Variants in TPRG1 observed in about 807,000 individuals in gnomAD.
The protein encoded by TPRG1 is tumor protein p63 regulated 1, also known as tumor protein p63-regulated gene 1 protein.
A neutral mutation model predicts 29.3 loss-of-function variants in TPRG1; 29 were observed. The ratio of observed to expected loss-of-function variants is 0.99; its 90% CI spans 0.74 to 1.35. The LOEUF (loss-of-function observed/expected upper bound fraction) is 1.35. TPRG1 is among the 40% of genes most tolerant of loss of function. TPRG1 has a pLI of 0.00. For missense variants in TPRG1, 327 were observed against 335.0 expected, an observed-to-expected ratio of 0.98 and a Z score of 0.19; for synonymous variants, 130 against 116.8, an observed-to-expected ratio of 1.11 and a Z score of -0.73.
intron 1 of TPRG1, among the ~76,000 whole-genome samples, chr3:189,195,100 A>T (rs1302940022): frequency 1.3e-5 from 2 of 151,984 alleles, no homozygotes; most frequent in East Asian, 3.9e-4. Context: ...CTGATTCCCT[A>T]GGGGGTGATA....
At chr3:189,080,431 G>T (rs1003118324) in intron 4 of TPRG1, among the ~76,000 whole-genome samples, 1 of 152,120 alleles carries the variant, frequency 6.6e-6, no homozygotes, top group Non-Finnish European at 1.5e-5. Context: ...CACAGAAATA[G>T]GAAAAGTAAA....
At chr3:189,088,979 T>C (rs982799793) in intron 4 of TPRG1, among the ~76,000 whole-genome samples, 2 of 136,828 alleles carry the variant, frequency 1.5e-5, no homozygotes, top group African/African-American at 7.3e-5. Context: ...TATCTATCTA[T>C]CTATCTATCT....
intron 3 of TPRG1, among the ~76,000 whole-genome samples, chr3:189,011,049 G>C (rs1349244676): frequency 6.6e-6 from 1 of 152,122 alleles, no homozygotes; most frequent in Non-Finnish European, 1.5e-5. Flanking sequence ...GTTTCTGTCA[G>C]CTTTGTTGAA....
intron 1 of TPRG1, among the ~76,000 whole-genome samples, chr3:189,113,337 C>G (rs1720774242): frequency 6.6e-6 from 1 of 152,202 alleles, no homozygotes; most frequent in Non-Finnish European, 1.5e-5. Flanking sequence ...GATAATTTGA[C>G]TTCCTCTTTT....
intron 5 of TPRG1, among the ~76,000 whole-genome samples, chr3:189,155,917 T>C (rs1726607898): frequency 6.6e-6 from 1 of 152,204 alleles, no homozygotes; most frequent in Non-Finnish European, 1.5e-5. Flanking sequence ...ATGTACAGCA[T>C]GGTGACTATA....
intron 1 of TPRG1, among the ~76,000 whole-genome samples, chr3:189,189,068 C>G (rs1347255341): frequency 6.6e-6 from 1 of 152,002 alleles, no homozygotes; most frequent in Non-Finnish European, 1.5e-5. Flanking sequence ...AGTATTTTTA[C>G]TGGAACAAAT....
At position 189,032,590 on chromosome 3, in the gene TPRG1, TTTTTC is replaced by T. The variant is rs528229094; in HGVS notation, c.-463+8649_-463+8653del. Among the ~76,000 whole-genome samples, 1,201 of 150,770 alleles carry T rather than the reference TTTTTC, an allele frequency of 8.0e-3. 17 individuals carry two copies. The highest frequency in any genetic ancestry group is 0.028 in the African/African-American group (1,140 of 40,164). On this transcript the variant is annotated intron_variant, in intron 4 of 10. Coordinates refer to the TPRG1 transcript ENST00000433971. ...TTATGTGTTATTAATCTCTCCTTTTTTTTTCTTTTTTTTTATTATTATTATACTTA... is the reference window on the plus strand; with the variant it reads ...TTATGTGTTATTAATCTCTCCTTTTTTTTTTTTTTATTATTATTATACTTA...
intron 2 of TPRG1, among the ~76,000 whole-genome samples, chr3:189,212,641 A>G (rs911691701): frequency 1.3e-5 from 2 of 152,142 alleles, no homozygotes; most frequent in Admixed American, 6.6e-5. Flanking sequence ...TTTCAGGTAA[A>G]GACAAATTTG....
At chr3:189,006,661 A>G (rs1448344299) in intron 3 of TPRG1, among the ~76,000 whole-genome samples, 3 of 152,104 alleles carry the variant, frequency 2.0e-5, no homozygotes, top group Non-Finnish European at 4.4e-5. Context: ...TGGATTGAGA[A>G]ACAACTGTAT....
chr3:189,015,614 C>G (rs919955890), intron 3 of TPRG1, among the ~76,000 whole-genome samples: 1 of 152,196 alleles, frequency 6.6e-6, no homozygotes, highest in Non-Finnish European at 1.5e-5. Flanking sequence ...GTTTCATAAG[C>G]CAGGCCCAGG....
chr3:189,022,829 C>T (rs555673825), intron 3 of TPRG1, among the ~76,000 whole-genome samples: 2 of 152,318 alleles, frequency 1.3e-5, no homozygotes, highest in South Asian at 2.1e-4. Context: ...CCCCCAGCCT[C>T]GCTGCCGCCT....
At chr3:189,183,092 C>T (rs904644261) in intron 1 of TPRG1, among the ~76,000 whole-genome samples, 1 of 152,232 alleles carries the variant, frequency 6.6e-6, no homozygotes, top group Non-Finnish European at 1.5e-5. Context: ...CCAGTAGTCA[C>T]GTAGGTTCTT....
intron 2 of TPRG1, among the ~76,000 whole-genome samples, chr3:189,002,118 T>C (rs1034526841): frequency 2.6e-5 from 4 of 152,180 alleles, no homozygotes; most frequent in African/African-American, 7.2e-5. Context: ...CTTAGCCTAG[T>C]GGGTTCTGGT....
At chr3:189,056,895 C>T (rs1049499850) in intron 4 of TPRG1, among the ~76,000 whole-genome samples, 17 of 152,128 alleles carry the variant, frequency 1.1e-4, no homozygotes, top group Non-Finnish European at 1.3e-4. Context: ...TACTATGTCA[C>T]GATTGAAGAT....
Position 189,214,113 on chromosome 3 carries a change from C to T in TPRG1, c.211-1179C>T, listed in dbSNP as rs564633610. On this transcript the variant is annotated intron_variant, in intron 2 of 5. Transcript: ENST00000345063. ...TTTGATAGGCTTTGCCAATTATTTT[C>T]CATAAGCGAGGCAAATAAGGTTTTA... 1.6e-4 allele frequency among the ~76,000 whole-genome samples: 25 copies of T among 152,250 alleles called. No individual in the cohort carries two copies. The South Asian group carries it at 4.8e-3, about 29-fold the overall frequency.
At chr3:189,279,321 T>G (rs1716702665) in intron 4 of TPRG1, among the ~76,000 whole-genome samples, 1 of 152,122 alleles carries the variant, frequency 6.6e-6, no homozygotes, top group African/African-American at 2.4e-5. Context: ...CATGATTCAG[T>G]TGAAGGTAGA....
chr3:189,021,194 G>A (rs1713285872), intron 3 of TPRG1, among the ~76,000 whole-genome samples: 1 of 149,344 alleles, frequency 6.7e-6, no homozygotes, highest in Non-Finnish European at 1.5e-5. Context: ...CAATTTGCCA[G>A]TCTGTGTCTT....
In TPRG1 at chr3:189,173,573, G is replaced by A. The variant is rs114390965; in HGVS notation, c.-10+1442G>A. ...CAGGCTGGAACTTCTATATATTCTTGGTGTCTTTCTGGCTGTAAGGATCCT... is the reference window on the plus strand; with the variant it reads ...CAGGCTGGAACTTCTATATATTCTTAGTGTCTTTCTGGCTGTAAGGATCCT... On this transcript the variant is annotated intron_variant, in intron 1 of 5. Transcript: ENST00000345063. Among the ~76,000 whole-genome samples the A allele has an allele frequency of 5.9e-3, 898 of 151,614 alleles. 10 individuals are homozygous for A. The highest frequency in any genetic ancestry group is 0.019 in the African/African-American group (787 of 41,346).
chr3:189,118,571 T>A (rs901454003), intron 1 of TPRG1, among the ~76,000 whole-genome samples: 1 of 152,122 alleles, frequency 6.6e-6, no homozygotes, highest in Non-Finnish European at 1.5e-5. Flanking sequence ...GAAAAATGGT[T>A]GTGTAGCCTG....
Sources: allele counts gnomAD v4.1 joint callset (sites outside exome capture counted in the v4.1 genomes callset), GRCh38; gene constraint gnomAD v4.1.1; transcripts MANE v1.5; gene names NCBI Gene and HGNC (gene_info 2026-07-23, HGNC 2026-07-21).